Variants in ARHGAP27 observed in about 807,000 individuals in gnomAD.
ARHGAP27 encodes the protein rho GTPase-activating protein 27.
ARHGAP27 carries 53 observed loss-of-function variants against 102.0 expected under a neutral mutation model. The ratio of observed to expected loss-of-function variants is 0.52; its 90% CI spans 0.42 to 0.65. The LOEUF (loss-of-function observed/expected upper bound fraction) is 0.65, where lower values mean the gene tolerates loss of function less well. Among genes scored for constraint, ARHGAP27 ranks in the 30% least tolerant of loss-of-function variants. ARHGAP27 has a pLI of 0.00. For missense variants in ARHGAP27, 1,117 were observed against 1,256.2 expected (o/e 0.89, Z 1.68); for synonymous variants, 525 against 542.8 (o/e 0.97, Z 0.46).
intron 3 of ARHGAP27, among the ~76,000 whole-genome samples, chr17:45,431,416 G>C (rs2050052294): frequency 6.6e-6 from 1 of 152,262 alleles, no homozygotes; most frequent in East Asian, 1.9e-4. Context: ...TGCCGAGGCA[G>C]AGGAGCAGGT....
rs1325162292 is a variant in ARHGAP27 at position 45,405,778 on chromosome 17, C to A, written c.963G>T (p.Pro321=). ...EESRRVFFYN[P]LTGETAWEDE... ...CCTCCCAGGCCGTCTCGCCCGTCAG[C>A]GGGTTGTAGAAGAACACCCTGCGGC... The change falls in exon 5 of 20, where the codon CCG becomes CCT. Residue 321 remains proline (P), a synonymous_variant. Coordinates refer to ENST00000685559, the MANE Select transcript of ARHGAP27 (RefSeq NM_001282290.2). The A allele has an allele frequency of 2.5e-6, 4 of 1,568,820 alleles. No homozygotes were observed. In the South Asian group the frequency reaches 3.4e-5, roughly 14 times the overall value.
Position 45,395,451 on chromosome 17 carries a change from A to T in ARHGAP27, c.*5T>A. On this transcript the variant is annotated 3_prime_UTR_variant, in exon 20 of 20. Transcript: ENST00000685559. ...GCGGCCGCCGCCCCAGTCACAGGCC[A>T]GCAGTCAGTGCGGCGGGAAGATGTC... The T allele has an allele frequency of 6.4e-7, 1 of 1,560,912 alleles. No individual in the cohort carries two copies. Among genetic ancestry groups the T allele is most frequent in the Non-Finnish European group, 8.7e-7 (1 of 1,152,478 alleles).
At chr17:45,401,802 CA>C (rs2046469280) in intron 12 of ARHGAP27, 1 of 152,238 alleles carries the variant, frequency 6.6e-6, no homozygotes, top group Non-Finnish European at 1.5e-5. Context: ...CCTCACCTAG[CA>C]GGAAAGTCGG....
chr17:45,426,469 C>T (rs2049608023), intron 4 of ARHGAP27, among the ~76,000 whole-genome samples: 2 of 152,106 alleles, frequency 1.3e-5, no homozygotes, highest in Non-Finnish European at 2.9e-5. Context: ...AAAACACCAT[C>T]CATGGCAGGA....
chr17:45,432,846 C>G lies in ARHGAP27; in HGVS notation c.-379G>C, dbSNP rs1199545521. ...GCTCCCTCCTCGACTGTGCGGCTCC[C>G]GCGCTGCCGGGTTTCCTGTTCAACA... On this transcript the variant is annotated 5_prime_UTR_variant, in exon 1 of 20. Coordinates refer to ENST00000685559, the MANE Select transcript of ARHGAP27 (RefSeq NM_001282290.2). 1 of 153,594 alleles carries G rather than the reference C, an allele frequency of 6.5e-6. No individual in the cohort carries two copies. Among genetic ancestry groups the G allele is most frequent in the Non-Finnish European group, 1.5e-5 (1 of 68,198 alleles). The allele number at this position is 153,594 out of a possible 1,614,324, so 9.5% of individuals were successfully genotyped here. A position where few individuals can be genotyped will look rare whatever the true frequency, so the allele number is the denominator to read the frequency against.
chr17:45,395,733 G>GCCCGGCTCA lies in ARHGAP27; in HGVS notation c.2492+2_2492+10dup. ...CTGCCTCCCCCTTCCCGCGCGGGCC[G>GCCCGGCTCA]CCCGGCTCACCGGCAGAGGTGCTGG... On this transcript the variant is annotated intron_variant, in intron 19 of 19. Transcript: ENST00000685559. 1 of 1,583,602 alleles carries GCCCGGCTCA rather than the reference G, an allele frequency of 6.3e-7. No individual in the cohort carries two copies. The highest frequency in any genetic ancestry group is 1.7e-5 in the Admixed American group (1 of 57,210).
At chr17:45,425,575 TGGA>T (rs1327835294) in intron 4 of ARHGAP27, 20 of 985,484 alleles carry the variant, frequency 2.0e-5, no homozygotes, top group Admixed American at 1.2e-4. Flanking sequence ...CAGTTCCCAG[TGGA>T]GGAGAAGGAA....
chr17:45,409,855 G>A (rs2047687408), intron 4 of ARHGAP27: 1 of 204,454 alleles, frequency 4.9e-6, no homozygotes, highest in African/African-American at 2.3e-5. Flanking sequence ...TCATAAGCAG[G>A]GGCCTGACTA....
chr17:45,417,403 G>T (rs188412816), intron 4 of ARHGAP27, among the ~76,000 whole-genome samples: 109 of 151,926 alleles, frequency 7.2e-4, no homozygotes, highest in African/African-American at 2.5e-3. Flanking sequence ...GGCAGAGGTT[G>T]CAATAAGACA....
At chr17:45,399,990 T>C (rs2046251686) in intron 12 of ARHGAP27, among the ~76,000 whole-genome samples, 1 of 152,130 alleles carries the variant, frequency 6.6e-6, no homozygotes, top group Non-Finnish European at 1.5e-5. Flanking sequence ...AGTGAGACCC[T>C]ATATCTAGAA....
Position 45,396,283 on chromosome 17 carries a change from C to A in ARHGAP27, c.2175G>T (p.Gly725=). The part of the protein sequence containing the change: ...QQCIRAVEAR[G]LDIDGLYRIS... Reference sequence around the variant, plus strand: ...TGCGGTACAGCCCGTCGATGTCCAGCCCTGGGCCAGAGGGAGGCGCTGATC... The same window carrying A: ...TGCGGTACAGCCCGTCGATGTCCAGACCTGGGCCAGAGGGAGGCGCTGATC... The change falls in exon 17 of 20, where the codon GGG becomes GGT. Residue 725 remains glycine, a splice_region_variant and synonymous_variant. Transcript: ENST00000685559. 1 of 1,610,870 alleles carries A rather than the reference C, an allele frequency of 6.2e-7. No individual in the cohort carries two copies. Among genetic ancestry groups the A allele is most frequent in the Non-Finnish European group, 8.5e-7 (1 of 1,178,734 alleles).
chr17:45,402,893 T>C, intron 11 of ARHGAP27, 75 bp from the exon 12 acceptor site: 2 of 1,283,056 alleles, frequency 1.6e-6, no homozygotes, highest in South Asian at 1.2e-5. Context: ...ACCCTAGGAA[T>C]AGGATGGGGT....
chr17:45,397,331 A>C, intron 13 of ARHGAP27: 1 of 1,271,914 alleles, frequency 7.9e-7, no homozygotes, highest in Non-Finnish European at 9.9e-7. Flanking sequence ...CAGCTCCTCT[A>C]ACTGGGTCAG....
At chr17:45,406,480 T>C (rs984972198) in intron 4 of ARHGAP27, among the ~76,000 whole-genome samples, 3 of 152,200 alleles carry the variant, frequency 2.0e-5, no homozygotes, top group Non-Finnish European at 2.9e-5. Context: ...CTTTGTAAAG[T>C]ATTTAGTGCC....
At chr17:45,416,358 G>C (rs966766690) in intron 4 of ARHGAP27, among the ~76,000 whole-genome samples, 2 of 151,456 alleles carry the variant, frequency 1.3e-5, no homozygotes, top group African/African-American at 4.9e-5. Context: ...CCAGCCTCAT[G>C]CTGAAGTTTT....
chr17:45,397,347 C>T, intron 13 of ARHGAP27: 2 of 1,212,282 alleles, frequency 1.6e-6, no homozygotes, highest in South Asian at 2.4e-5. Context: ...GTCAGCATTC[C>T]TCAATACGTG....
At chr17:45,429,586 G>A (rs770302054) in intron 4 of ARHGAP27, 37 bp downstream of exon 4, 7 of 1,575,802 alleles carry the variant, frequency 4.4e-6, no homozygotes, top group South Asian at 3.4e-5. Flanking sequence ...TCCCTAGCGC[G>A]CCACCCGCCT....
rs1567708209 is a variant in ARHGAP27, at chr17:45,406,088, G to A, written c.658-5C>T. The A allele has an allele frequency of 4.0e-6, 6 of 1,509,320 alleles. No homozygotes were observed. Among genetic ancestry groups the A allele is most frequent in the Admixed American group, 4.2e-5 (2 of 47,902 alleles). 93.5% of individuals were successfully genotyped at this position (1,509,320 alleles called of 1,614,324 possible). On this transcript the variant is annotated splice_polypyrimidine_tract_variant and splice_region_variant and intron_variant, in intron 4 of 19. Transcript: ENST00000685559. ...GGGCTCCGGTGGGTCGTCCACCTGC[G>A]GGAGGAGAAAGGAGGAATTTTGTGT... is the stretch of plus-strand genomic sequence containing the variant.
At chr17:45,406,438 GA>G (rs2047173374) in intron 4 of ARHGAP27, among the ~76,000 whole-genome samples, 2 of 152,226 alleles carry the variant, frequency 1.3e-5, no homozygotes, top group Admixed American at 1.3e-4. Flanking sequence ...AAACTGTAGT[GA>G]AGAGTGAATG....
Sources: gnomAD v4.1 joint callset for allele counts (sites outside exome capture counted in the v4.1 genomes callset) on GRCh38, gnomAD v4.1.1 for gene constraint, MANE v1.5 for transcripts, NCBI Gene and HGNC (gene_info 2026-07-23, HGNC 2026-07-21) for gene names.